CD81: variants seen among roughly 807,000 people sequenced by gnomAD.
CD81 encodes CD81 antigen.
A neutral mutation model predicts 30.1 loss-of-function variants in CD81; 10 were observed. The ratio of observed to expected loss-of-function variants is 0.33; its 90% CI spans 0.21 to 0.56. CD81 has a LOEUF of 0.56. CD81 is among the 20% of genes least tolerant of loss of function. CD81 has a pLI of 0.89. For synonymous variants in CD81, 147 were observed against 126.4 expected (o/e 1.16, Z -1.10); for missense variants, 263 against 308.7 (o/e 0.85, Z 1.11).
intron 1 of CD81, among the ~76,000 whole-genome samples, chr11:2,383,890 G>T (rs1047362248): frequency 3.5e-4 from 53 of 152,218 alleles, no homozygotes; most frequent in African/African-American, 1.3e-3. Context: ...CTGCAGCTGT[G>T]GGGGTGTGTG....
chr11:2,386,203 G>A (rs1849795929), intron 1 of CD81: 1 of 715,576 alleles, frequency 1.4e-6, no homozygotes, highest in Non-Finnish European at 2.6e-6. Context: ...GGATCTTGCG[G>A]GGAAGGGTCT....
intron 2 of CD81, 55 bp downstream of exon 2, chr11:2,390,581 G>A (rs1445415660): frequency 1.0e-5 from 13 of 1,275,888 alleles, no homozygotes; most frequent in African/African-American, 1.5e-5. Context: ...GGAGGAGGCA[G>A]GTCCTAGCCT....
At chr11:2,380,385 G>C (rs35664355) in intron 1 of CD81, among the ~76,000 whole-genome samples, 4 of 151,876 alleles carry the variant, frequency 2.6e-5, no homozygotes, top group African/African-American at 9.7e-5. Context: ...TCCCAGGAAG[G>C]AGCCCACACA....
intron 1 of CD81, among the ~76,000 whole-genome samples, chr11:2,380,176 C>T (rs1004551236): frequency 1.3e-5 from 2 of 152,108 alleles, no homozygotes; most frequent in African/African-American, 4.8e-5. Flanking sequence ...CCCAGACAGG[C>T]AGGATGTGCA....
chr11:2,392,217 C>T (rs1260100900), intron 2 of CD81: 1 of 152,310 alleles, frequency 6.6e-6, no homozygotes, highest in Non-Finnish European at 1.5e-5. Flanking sequence ...GAGCAGCTCC[C>T]GCTGTGGGGT....
intron 5 of CD81, 136 bp downstream of exon 5, chr11:2,395,656 T>C: frequency 1.3e-6 from 1 of 790,918 alleles, no homozygotes; most frequent in Non-Finnish European, 2.1e-6. Context: ...ACCCCTGGTC[T>C]CAACTGGTCC....
chr11:2,395,514 C>G lies in CD81; in HGVS notation c.453C>G (p.His151Gln). Residue 151 changes from histidine to glutamine, a missense_variant, in exon 5 of 8, where the codon CAC becomes CAG. Around this residue, in one of 3 missense-constraint regions of CD81, gnomAD observed 176 missense variants for 192.9 expected, o/e 0.91. Coordinates refer to ENST00000263645, the MANE Select transcript of CD81 (RefSeq NM_004356.4). Reference protein sequence around the residue: ...NNAKAVVKTFHETLDCCGSST... With the variant: ...NNAKAVVKTFQETLDCCGSST... Reference sequence around the variant, plus strand: ...CCAAGGCTGTGGTGAAGACCTTCCACGAGACGGTGCGGCCCCGGGGGGCGA... The same window carrying G: ...CCAAGGCTGTGGTGAAGACCTTCCAGGAGACGGTGCGGCCCCGGGGGGCGA... 2 of 1,612,016 alleles carry G rather than the reference C, an allele frequency of 1.2e-6. No homozygotes were observed.
intron 1 of CD81, among the ~76,000 whole-genome samples, chr11:2,379,840 G>A (rs1434747338): frequency 6.6e-6 from 1 of 152,164 alleles, no homozygotes; most frequent in Non-Finnish European, 1.5e-5. Context: ...GGGGCTCAGT[G>A]GTAGCCAGCA....
intron 6 of CD81, 110 bp from the exon 7 acceptor site, chr11:2,396,518 C>T: frequency 1.0e-6 from 1 of 992,620 alleles, no homozygotes; most frequent in African/African-American, 1.6e-5. Context: ...GGGGCTGTTC[C>T]CAGGATTCCC....
chr11:2,396,448 T>A, intron 6 of CD81, 180 bp from the exon 7 acceptor site: 1 of 649,304 alleles, frequency 1.5e-6, no homozygotes. Flanking sequence ...GGGTGGAAGA[T>A]AGCAAGCCGG....
At chr11:2,382,290 G>A (rs1443427901) in intron 1 of CD81, among the ~76,000 whole-genome samples, 1 of 152,266 alleles carries the variant, frequency 6.6e-6, no homozygotes, top group Non-Finnish European at 1.5e-5. Context: ...GGGACCAGGG[G>A]CACAGAGCTT....
chr11:2,377,440 C>T lies in CD81; in HGVS notation c.-110C>T, dbSNP rs913328510. On this transcript the variant is annotated 5_prime_UTR_variant, in exon 1 of 8. Coordinates refer to ENST00000263645, the MANE Select transcript of CD81 (RefSeq NM_004356.4). This position sits in a 1 kb window ranked among gnomAD's most constrained non-coding sequence, Gnocchi z 7.7. ...CCGCGCCCCTTTCTTCGCGCCCCCG[C>T]CCCTCGGCCCGCCAGGCCCCCTTGC... 1 of 237,370 alleles carries T rather than the reference C, an allele frequency of 4.2e-6. No homozygotes were observed. The allele number at this position is 237,370 out of a possible 1,614,324, so 14.7% of individuals were successfully genotyped here. A position where few individuals can be genotyped will look rare whatever the true frequency, so the allele number is the denominator to read the frequency against.
chr11:2,395,490 C>T lies in CD81; in HGVS notation c.429C>T (p.Ala143=), dbSNP rs1308570178. 8 of 1,612,558 alleles carry T rather than the reference C, an allele frequency of 5.0e-6. No individual in the cohort carries two copies. Among genetic ancestry groups the T allele is most frequent in the Non-Finnish European group, 6.8e-6 (8 of 1,179,884 alleles). The part of the protein sequence containing the change: ...QAVVDDDANN[A]KAVVKTFHET... Reference sequence around the variant, plus strand: ...TGGTGGATGATGACGCCAACAACGCCAAGGCTGTGGTGAAGACCTTCCACG... The same window carrying T: ...TGGTGGATGATGACGCCAACAACGCTAAGGCTGTGGTGAAGACCTTCCACG... Residue 143 remains alanine (A), a synonymous_variant, in exon 5 of 8, where the codon GCC becomes GCT. Transcript: ENST00000263645.
Position 2,377,527 on chromosome 11 carries a change from GGCCGCCC to G in CD81, c.-13_-7del. On this transcript the variant is annotated 5_prime_UTR_variant, in exon 1 of 8. Transcript: ENST00000263645. This position sits in a 1 kb window ranked among gnomAD's most constrained non-coding sequence, Gnocchi z 7.7. ...GCCCAGGACCGGCCCGCGCCCCGCA[GGCCGCCC>G]GCCGCCCGCGCCGCCATGGGAGTGG... 3.8e-6 allele frequency: 5 copies of G among 1,326,026 alleles called. No individual in the cohort carries two copies. Among genetic ancestry groups the G allele is most frequent in the Non-Finnish European group, 3.9e-6 (4 of 1,012,854 alleles). 82.1% of individuals were successfully genotyped at this position (1,326,026 alleles called of 1,614,324 possible). A position where few individuals can be genotyped will look rare whatever the true frequency, so the allele number is the denominator to read the frequency against.
chr11:2,396,800 G>A lies in CD81; in HGVS notation c.649-4G>A. ...TGACTGCGCCCCCCACCACCCTCCT[G>A]CAGATCTTCGAGATGATCCTGAGCA... On this transcript the variant is annotated splice_region_variant and splice_polypyrimidine_tract_variant and intron_variant, in intron 7 of 7. Transcript: ENST00000263645. 6.2e-7 allele frequency: 1 copy of A among 1,612,684 alleles called. No homozygotes were observed. Among genetic ancestry groups the A allele is most frequent in the Non-Finnish European group, 8.5e-7 (1 of 1,180,004 alleles).
Position 2,377,758 on chromosome 11 carries a change from TG to T in CD81, c.66+149del, listed in dbSNP as rs1030159011. 1.2e-5 allele frequency: 4 copies of T among 322,284 alleles called. No individual in the cohort carries two copies. Among genetic ancestry groups the T allele is most frequent in the Non-Finnish European group, 1.6e-5 (3 of 183,890 alleles). 20.0% of individuals were successfully genotyped at this position (322,284 alleles called of 1,614,324 possible). A position where few individuals can be genotyped will look rare whatever the true frequency, so the allele number is the denominator to read the frequency against. On this transcript the variant is annotated intron_variant, in intron 1 of 7. Coordinates refer to ENST00000263645, the MANE Select transcript of CD81 (RefSeq NM_004356.4). The surrounding 1 kb of genome is among the most constrained non-coding windows in gnomAD (Gnocchi z 7.7). The stretch of plus-strand genomic sequence containing the variant: ...CCACCTGTGGGCTCCAGGAGCGGGG[TG>T]GGGGGTCGCCCGGGGCCACCGCGCC...
At chr11:2,377,003 G>A (rs1167940345), upstream of CD81, 1 of 152,386 alleles carries the variant, frequency 6.6e-6, no homozygotes, top group African/African-American at 2.4e-5. This position sits in a 1 kb window ranked among gnomAD's most constrained non-coding sequence, Gnocchi z 7.7. Flanking sequence ...CCGGCACCGG[G>A]GCTGCACTCC....
chr11:2,387,472 G>A (rs1054741379), intron 1 of CD81, among the ~76,000 whole-genome samples: 2 of 152,312 alleles, frequency 1.3e-5, no homozygotes, highest in African/African-American at 4.8e-5. Flanking sequence ...ACCTCCTCCC[G>A]CCAGGCTGCA....
chr11:2,394,049 T>G, intron 2 of CD81, 46 bp from the exon 3 acceptor site: 1 of 1,446,964 alleles, frequency 6.9e-7, no homozygotes. Context: ...GGTCTTGGGC[T>G]GTGGCGAGTG....
Sources: gnomAD v4.1 joint callset for allele counts (sites outside exome capture counted in the v4.1 genomes callset) on GRCh38, gnomAD v4.1.1 for gene constraint, gnomAD v4.1.1 regional missense constraint, Gnocchi (gnomAD v3.1) non-coding constraint, MANE v1.5 for transcripts, NCBI Gene and HGNC (gene_info 2026-07-23, HGNC 2026-07-21) for gene names.